The following PAXIP1 variants were observed in gnomAD, a reference collection of about 807,000 sequenced individuals.
The protein encoded by PAXIP1 is PAX-interacting protein 1.
PAXIP1 carries 19 observed loss-of-function variants against 140.6 expected under a neutral mutation model. The observed-to-expected ratio is 0.14, with a 90% CI of 0.09 to 0.20. The LOEUF is 0.20. Ranked by LOEUF, PAXIP1 falls within the 10% of genes least tolerant of loss-of-function variation. The probability of loss-of-function intolerance (pLI) is 1.00; values close to 1 mark genes in which losing one functional copy is unlikely to be tolerated. For missense variants in PAXIP1, 920 were observed against 1,208.6 expected (o/e 0.76, Z 3.54); for synonymous variants, 442 against 444.6 (o/e 0.99, Z 0.07).
At chr7:154,983,460 A>T (rs1809933772) in intron 4 of PAXIP1, 128 bp from the exon 5 acceptor site, 1 of 599,700 alleles carries the variant, frequency 1.7e-6, no homozygotes, top group Non-Finnish European at 2.9e-6. Flanking sequence ...GAATATTTGT[A>T]GAAAAAATAG....
intron 6 of PAXIP1, chr7:154,974,599 T>G (rs1339403013): frequency 1.3e-5 from 2 of 152,184 alleles, no homozygotes; most frequent in Admixed American, 6.5e-5. Context: ...CTGCCCGAGG[T>G]CCTTCTTGAC....
chr7:154,976,159 T>G lies in PAXIP1; in HGVS notation c.611A>C (p.Glu204Ala). 1 of 1,589,312 alleles carries G rather than the reference T, an allele frequency of 6.3e-7. No individual in the cohort carries two copies. The highest frequency in any genetic ancestry group is 1.8e-5 in the Admixed American group (1 of 55,106). Residue 204 changes from glutamate to alanine, a missense_variant, in exon 6 of 21, where the codon GAG becomes GCG. Around this residue, in one of 5 missense-constraint regions of PAXIP1, gnomAD observed 419 missense variants for 514.7 expected, o/e 0.81. Transcript: ENST00000404141. ...EEEEEEEVENEEQDSQNEGST... is the reference protein window; with the variant it reads ...EEEEEEEVENAEQDSQNEGST... ...ACCCTCATTCTGAGAATCTTGTTCC[T>G]CATTTTCTACTTCCTCCTCCTCTTC...
At chr7:154,995,169 TG>T (rs1810518422) in intron 2 of PAXIP1, among the ~76,000 whole-genome samples, 2 of 152,186 alleles carry the variant, frequency 1.3e-5, no homozygotes. Flanking sequence ...TTTCAGAGCC[TG>T]GGGCAATGCA....
intron 20 of PAXIP1, 125 bp from the exon 21 acceptor site, chr7:154,944,289 C>T (rs553484510): frequency 2.0e-5 from 15 of 766,060 alleles, no homozygotes; most frequent in East Asian, 1.7e-4. Flanking sequence ...CTCTTTCTTA[C>T]CCATTCAAAC....
At chr7:154,992,472 A>T (rs1021806919) in intron 3 of PAXIP1, among the ~76,000 whole-genome samples, 24 of 151,902 alleles carry the variant, frequency 1.6e-4, no homozygotes, top group African/African-American at 5.8e-4. Flanking sequence ...GCTTGAACCC[A>T]TAGTCCCAGC....
intron 6 of PAXIP1, chr7:154,974,762 A>G (rs1228109052): frequency 6.6e-6 from 1 of 152,084 alleles, no homozygotes; most frequent in Non-Finnish European, 1.5e-5. Flanking sequence ...CTTAGTCACA[A>G]TTTTATCTCC....
At chr7:154,945,468 G>GAA in intron 20 of PAXIP1, 1 of 933,426 alleles carries the variant, frequency 1.1e-6, no homozygotes, top group Non-Finnish European at 1.3e-6. Flanking sequence ...CACACACGAA[G>GAA]AAAAAAAAAC....
At position 154,954,962 on chromosome 7, in the gene PAXIP1, G is replaced by A. The variant is rs1361774353; in HGVS notation, c.2653-539C>T. Among the ~76,000 whole-genome samples, 1 of 152,110 alleles carries A rather than the reference G, an allele frequency of 6.6e-6. No individual in the cohort carries two copies. The highest frequency in any genetic ancestry group is 1.5e-5 in the Non-Finnish European group (1 of 68,018). ...ATAATTGTTTCTTTTCCTTAAAAAG[G>A]AAACCAGGAGTAAAATGTACGAATC... On this transcript the variant is annotated intron_variant, in intron 15 of 20. Transcript: ENST00000404141. The surrounding 1 kb of genome is among the most constrained non-coding windows in gnomAD (Gnocchi z 5.1).
At chr7:154,982,682 G>A (rs973168421) in intron 5 of PAXIP1, among the ~76,000 whole-genome samples, 1 of 152,158 alleles carries the variant, frequency 6.6e-6, no homozygotes, top group Non-Finnish European at 1.5e-5. Context: ...GTCCCCAAGG[G>A]GGGCAGATGC....
At chr7:154,947,814 C>T (rs1323067652) in intron 17 of PAXIP1, 89 bp downstream of exon 17, 1 of 941,546 alleles carries the variant, frequency 1.1e-6, no homozygotes, top group East Asian at 2.4e-5. Flanking sequence ...CCTGGAGGCG[C>T]ACTTCCCACC....
rs1047579588 is a variant in PAXIP1 at position 154,959,936 on chromosome 7, A to G, written c.2435-3T>C. The G allele has an allele frequency of 1.9e-6, 3 of 1,592,720 alleles. No individual in the cohort carries two copies. The highest frequency in any genetic ancestry group is 3.3e-5 in the Admixed American group (2 of 59,860). On this transcript the variant is annotated splice_region_variant and splice_polypyrimidine_tract_variant and intron_variant, in intron 12 of 20. Transcript: ENST00000404141. ...TTTTAAGGGAACTCTCCAAGCATCT[A>G]AAGAGAGAAACACATTATTTTTTAT...
In PAXIP1 at chr7:155,002,991, C is replaced by A. The variant is rs556352687; in HGVS notation, c.-62G>T. The A allele has an allele frequency of 5.7e-6, 4 of 705,738 alleles. No homozygotes were observed. Among genetic ancestry groups the A allele is most frequent in the Non-Finnish European group, 6.9e-6 (4 of 580,518 alleles). The allele number at this position is 705,738 out of a possible 1,614,324, so 43.7% of individuals were successfully genotyped here. On this transcript the variant is annotated 5_prime_UTR_variant, in exon 1 of 21. Coordinates refer to ENST00000404141, the MANE Select transcript of PAXIP1 (RefSeq NM_007349.4). ...GGCCCCGCCCACCCCCCGCCCCCGG[C>A]CCCCGCGGCGCCCGGCGCCCCCACT...
chr7:154,971,031 G>A (rs1191969337), intron 6 of PAXIP1, among the ~76,000 whole-genome samples: 1 of 152,174 alleles, frequency 6.6e-6, no homozygotes, highest in African/African-American at 2.4e-5. Context: ...GGGAGCTCAG[G>A]AACAGGCACA....
rs577670823 is a variant in PAXIP1 at position 154,974,344 on chromosome 7, A to G, written c.1074+1352T>C. 3 of 152,130 alleles carry G rather than the reference A, an allele frequency of 2.0e-5. No individual in the cohort carries two copies. In the South Asian group the frequency reaches 6.2e-4, roughly 32 times the overall value. The allele number at this position is 152,130 out of a possible 1,614,324, so 9.4% of individuals were successfully genotyped here. A position where few individuals can be genotyped will look rare whatever the true frequency, so the allele number is the denominator to read the frequency against. ...TTTACACAGAGTGCATCTCACCCCA[A>G]CTCAAAAGCCCAGTGGCTTCCTTCC... On this transcript the variant is annotated intron_variant, in intron 6 of 20. Coordinates refer to ENST00000404141, the MANE Select transcript of PAXIP1 (RefSeq NM_007349.4).
chr7:154,995,403 C>T (rs1810536045), intron 2 of PAXIP1, among the ~76,000 whole-genome samples: 1 of 152,158 alleles, frequency 6.6e-6, no homozygotes, highest in Non-Finnish European at 1.5e-5. Flanking sequence ...AAAGTCCCAT[C>T]CAAGCACAGT....
chr7:154,984,355 T>C (rs1355183150), intron 4 of PAXIP1, among the ~76,000 whole-genome samples: 1 of 152,260 alleles, frequency 6.6e-6, no homozygotes, highest in South Asian at 2.1e-4. Context: ...AAATTTTTTC[T>C]GGATAAATTT....
chr7:154,959,861 G>C (rs1478419990), intron 13 of PAXIP1, 29 bp downstream of exon 13: 3 of 1,481,632 alleles, frequency 2.0e-6, no homozygotes, highest in Non-Finnish European at 1.9e-6. Flanking sequence ...TACAGTAATA[G>C]CCAAGGTAAG....
At chr7:154,960,766 G>A in intron 12 of PAXIP1, 127 bp downstream of exon 12, 3 of 649,248 alleles carry the variant, frequency 4.6e-6, no homozygotes, top group Non-Finnish European at 7.5e-6. Flanking sequence ...AAAGAAATTG[G>A]AAATGAGTCA....
chr7:154,998,229 C>A (rs1810729761), intron 2 of PAXIP1, among the ~76,000 whole-genome samples: 2 of 152,286 alleles, frequency 1.3e-5, no homozygotes, highest in South Asian at 4.1e-4. Context: ...GACTTTAGGG[C>A]CAGCACGGTG....
Sources: allele counts gnomAD v4.1 joint callset (sites outside exome capture counted in the v4.1 genomes callset), GRCh38; gene constraint gnomAD v4.1.1; regional missense constraint gnomAD v4.1.1; non-coding constraint Gnocchi (gnomAD v3.1); transcripts MANE v1.5; gene names NCBI Gene and HGNC (gene_info 2026-07-23, HGNC 2026-07-21).